The following PCDHA4 variants were observed in gnomAD, a reference collection of about 807,000 sequenced individuals.
The protein encoded by PCDHA4 is protocadherin alpha 4.
A neutral mutation model predicts 61.4 loss-of-function variants in PCDHA4; 49 were observed. That is an observed-to-expected ratio of 0.80 (90% CI 0.63 to 1.01). The LOEUF (loss-of-function observed/expected upper bound fraction) is 1.01. PCDHA4 is among the 50% of genes least tolerant of loss of function. The pLI is 0.00. For missense variants in PCDHA4, 1,254 were observed against 1,235.8 expected (o/e 1.01, Z -0.22); for synonymous variants, 590 against 550.3 (o/e 1.07, Z -1.01).
chr5:140,823,031 T>C (rs2150064993), intron 1 of PCDHA4: 5 of 1,614,188 alleles, frequency 3.1e-6, no homozygotes, highest in South Asian at 1.1e-5. Context: ...AGCGTGTCGG[T>C]CTATGAGCTG....
chr5:140,966,374 C>G (rs2095995934), intron 1 of PCDHA4: 1 of 405,056 alleles, frequency 2.5e-6, no homozygotes, highest in South Asian at 1.3e-4. Flanking sequence ...GCTGAGCAGT[C>G]CGGGTTCGCT....
intron 1 of PCDHA4, among the ~76,000 whole-genome samples, chr5:140,879,652 TAACA>T (rs2058069934): frequency 6.6e-6 from 1 of 152,226 alleles, no homozygotes; most frequent in African/African-American, 2.4e-5. Context: ...GTGGCTGCTA[TAACA>T]AACGAACACA....
chr5:140,870,876 G>A, intron 1 of PCDHA4: 1 of 1,613,958 alleles, frequency 6.2e-7, no homozygotes, highest in Non-Finnish European at 8.5e-7. Context: ...ACGTGGTGGC[G>A]AAGGTGCGCG....
chr5:140,823,155 C>A (rs142802947), intron 1 of PCDHA4: 11 of 1,613,730 alleles, frequency 6.8e-6, no homozygotes, highest in African/African-American at 6.7e-5. Context: ...CCCAGTATAC[C>A]GTGTTCGTGA....
chr5:140,957,614 T>C (rs1208546101), intron 1 of PCDHA4, among the ~76,000 whole-genome samples: 6 of 152,134 alleles, frequency 3.9e-5, no homozygotes, highest in African/African-American at 1.4e-4. Flanking sequence ...CACAGACATA[T>C]ACATGCACAC....
Position 140,834,581 on chromosome 5 carries a change from G to A in PCDHA4, c.2385+25009G>A, listed in dbSNP as rs1554134342. On this transcript the variant is annotated intron_variant, in intron 1 of 3. Coordinates refer to ENST00000530339, the MANE Select transcript of PCDHA4 (RefSeq NM_018907.4). The stretch of plus-strand genomic sequence containing the variant: ...AGCTGGTGCCGCGCCTGTTCCGGGC[G>A]GTGTGCAAATTCCGTGGGGATCTTC... The A allele has an allele frequency of 3.1e-6, 5 of 1,614,006 alleles. No individual in the cohort carries two copies. In the East Asian group the frequency reaches 6.7e-5, roughly 22 times the overall value.
rs2150325901 is a variant in PCDHA4 at position 140,841,940 on chromosome 5, G to A, written c.2385+32368G>A. Reference sequence around the variant, plus strand: ...ATCCTTGGACAGAGAGGACGCTCCTGCGCACCACTTATTCCTGACAGCCAC... The same window carrying A: ...ATCCTTGGACAGAGAGGACGCTCCTACGCACCACTTATTCCTGACAGCCAC... On this transcript the variant is annotated intron_variant, in intron 1 of 3. Transcript: ENST00000530339. 5.0e-6 allele frequency: 8 copies of A among 1,613,930 alleles called. No individual in the cohort carries two copies. In the South Asian group the frequency reaches 6.6e-5, roughly 13 times the overall value.
intron 1 of PCDHA4, chr5:140,869,471 T>C (rs1554163114): frequency 6.2e-7 from 1 of 1,613,696 alleles, no homozygotes; most frequent in South Asian, 1.1e-5. Flanking sequence ...AACGTGGAGG[T>C]GAAGGACATT....
At chr5:140,878,107 A>G in intron 1 of PCDHA4, 1 of 256,418 alleles carries the variant, frequency 3.9e-6, no homozygotes, top group Non-Finnish European at 7.2e-6. Context: ...AACCTTGAAA[A>G]AAACAGTATA....
In PCDHA4 at chr5:140,807,517, AG is replaced by A. The variant is rs1763954942; in HGVS notation, c.331del (p.Asp111ThrfsTer13). 4.3e-6 allele frequency: 7 copies of A among 1,613,132 alleles called. No homozygotes were observed. The highest frequency in any genetic ancestry group is 4.5e-5 in the East Asian group (2 of 44,838). On this transcript the variant is annotated frameshift_variant, in exon 1 of 4. Coordinates refer to ENST00000530339, the MANE Select transcript of PCDHA4 (RefSeq NM_018907.4). LOFTEE classifies it high-confidence loss of function. ...ECSIHLEVIV[D>X]RPLQVFHVDV... Reference sequence around the variant, plus strand: ...GCAGCATCCACCTGGAGGTGATCGTAGACAGGCCGCTGCAGGTTTTCCATGT... The same window carrying A: ...GCAGCATCCACCTGGAGGTGATCGTAACAGGCCGCTGCAGGTTTTCCATGT...
chr5:140,927,169 T>A, intron 1 of PCDHA4: 1 of 1,614,172 alleles, frequency 6.2e-7, no homozygotes, highest in Non-Finnish European at 8.5e-7. Context: ...CAAAGCTGCC[T>A]GCGTCTTGAC....
chr5:140,844,618 A>C (rs1230516172), intron 1 of PCDHA4, among the ~76,000 whole-genome samples: 1 of 149,532 alleles, frequency 6.7e-6, no homozygotes, highest in Non-Finnish European at 1.5e-5. Context: ...AAATGTTTTC[A>C]TCAGAAAAAC....
At chr5:140,962,170 C>T (rs1326323755) in intron 1 of PCDHA4, among the ~76,000 whole-genome samples, 6 of 152,194 alleles carry the variant, frequency 3.9e-5, no homozygotes, top group South Asian at 4.1e-4. Context: ...CCACCACACC[C>T]GGCCACTTAT....
At chr5:140,966,740 C>G in intron 1 of PCDHA4, 1 of 1,422,696 alleles carries the variant, frequency 7.0e-7, no homozygotes, top group Non-Finnish European at 9.1e-7. Flanking sequence ...CGGCCCTGCC[C>G]GGCTGCCTCC....
intron 1 of PCDHA4, chr5:140,860,111 A>T (rs1337460322): frequency 6.6e-6 from 1 of 151,186 alleles, no homozygotes; most frequent in African/African-American, 2.4e-5. Context: ...CGACATAGGG[A>T]TATCTTGTAC....
At chr5:141,009,104 T>G (rs2098399543) in intron 3 of PCDHA4, among the ~76,000 whole-genome samples, 1 of 152,220 alleles carries the variant, frequency 6.6e-6, no homozygotes, top group Non-Finnish European at 1.5e-5. Flanking sequence ...CATATGTTAC[T>G]ATGAAACTAG....
intron 1 of PCDHA4, chr5:140,969,555 C>A: frequency 1.6e-6 from 2 of 1,213,380 alleles, no homozygotes; most frequent in Non-Finnish European, 2.2e-6. Flanking sequence ...GAAGCCTTGT[C>A]CATAAAATTG....
At position 140,832,275 on chromosome 5, in the gene PCDHA4, A is replaced by G. The variant is rs2150200639; in HGVS notation, c.2385+22703A>G. Among the ~76,000 whole-genome samples the G allele has an allele frequency of 2.6e-5, 4 of 152,332 alleles. No individual in the cohort carries two copies. In the East Asian group the frequency reaches 7.7e-4, roughly 29 times the overall value. On this transcript the variant is annotated intron_variant, in intron 1 of 3. Coordinates refer to ENST00000530339, the MANE Select transcript of PCDHA4 (RefSeq NM_018907.4). The stretch of plus-strand genomic sequence containing the variant: ...TTCCCAGGAAATATTAGACTACATT[A>G]AGCATGAATGGTGTATTTGCCCACA...
At position 140,848,656 on chromosome 5, in the gene PCDHA4, TGGAGCTGGC is replaced by T. The variant is rs2150416289; in HGVS notation, c.2385+39093_2385+39101del. 5 of 1,592,712 alleles carry T rather than the reference TGGAGCTGGC, an allele frequency of 3.1e-6. 1 individual carries two copies. Among genetic ancestry groups the T allele is most frequent in the Admixed American group, 3.4e-5 (2 of 59,208 alleles). ...GGCCGCATCGCGCAGGACCTGGGGC[TGGAGCTGGC>T]GGAGCTGGTGCCGCGCCTGTTCCAG... On this transcript the variant is annotated intron_variant, in intron 1 of 3. Coordinates refer to ENST00000530339, the MANE Select transcript of PCDHA4 (RefSeq NM_018907.4).
Sources: gnomAD v4.1 joint callset for allele counts (sites outside exome capture counted in the v4.1 genomes callset) on GRCh38, gnomAD v4.1.1 for gene constraint, MANE v1.5 for transcripts, NCBI Gene and HGNC (gene_info 2026-07-23, HGNC 2026-07-21) for gene names.